Variants in JPH3 observed in about 807,000 individuals in gnomAD.
JPH3 encodes the protein junctophilin 3.
JPH3 carries 11 observed loss-of-function variants against 59.6 expected under a neutral mutation model. That is an observed-to-expected ratio of 0.18 (90% CI 0.12 to 0.31). The LOEUF is 0.31. Ranked by LOEUF, JPH3 falls within the 10% of genes least tolerant of loss-of-function variation. The probability of loss-of-function intolerance (pLI) is 1.00; values close to 1 mark genes in which losing one functional copy is unlikely to be tolerated. For missense variants in JPH3, 1,202 were observed against 1,105.7 expected (o/e 1.09, Z -1.24); for synonymous variants, 673 against 483.6 (o/e 1.39, Z -5.14).
intron 1 of JPH3, among the ~76,000 whole-genome samples, chr16:87,613,253 C>A (rs1377467816): frequency 6.7e-6 from 1 of 150,272 alleles, no homozygotes; most frequent in Non-Finnish European, 1.5e-5. Flanking sequence ...CCCACCACCA[C>A]GTCCGGCTAA....
chr16:87,696,661 T>C lies in JPH3; in HGVS notation c.*1T>C. 6.2e-6 allele frequency: 10 copies of C among 1,611,344 alleles called. No homozygotes were observed. The highest frequency in any genetic ancestry group is 6.8e-6 in the Non-Finnish European group (8 of 1,177,946). Reference sequence around the variant, plus strand: ...TCTGTTTATTAACTTTTTCATCTGATGAGATGTCGCGGTAGCAAAAATAGA... The same window carrying C: ...TCTGTTTATTAACTTTTTCATCTGACGAGATGTCGCGGTAGCAAAAATAGA... On this transcript the variant is annotated 3_prime_UTR_variant, in exon 5 of 5. Transcript: ENST00000284262.
intron 1 of JPH3, among the ~76,000 whole-genome samples, chr16:87,638,808 C>T (rs950016793): frequency 3.3e-5 from 5 of 152,296 alleles, no homozygotes; most frequent in Admixed American, 3.3e-4. Flanking sequence ...CAGGACACAG[C>T]GAAGGTGCCC....
In JPH3 at chr16:87,681,646, G is replaced by A. The variant is rs1333488408; in HGVS notation, c.1161-2496G>A. On this transcript the variant is annotated intron_variant, in intron 2 of 4. Coordinates refer to ENST00000284262, the MANE Select transcript of JPH3 (RefSeq NM_020655.4). ...AGGTGCGCGCGGTCGTGACAGTGCC[G>A]GGAGGTCAGGTGCGCGCGGTGGTGA... is the stretch of plus-strand genomic sequence containing the variant. Among the ~76,000 whole-genome samples the A allele has an allele frequency of 3.3e-5, 5 of 149,796 alleles. No individual in the cohort carries two copies. In the East Asian group the frequency reaches 6.0e-4, roughly 18 times the overall value.
At chr16:87,637,352 C>G (rs527366445) in intron 1 of JPH3, among the ~76,000 whole-genome samples, 3 of 152,086 alleles carry the variant, frequency 2.0e-5, no homozygotes, top group Non-Finnish European at 4.4e-5. Flanking sequence ...CCCCGGCCAT[C>G]ATCCGTCTGT....
intron 1 of JPH3, among the ~76,000 whole-genome samples, chr16:87,607,881 A>G (rs2030583977): frequency 6.6e-6 from 1 of 152,256 alleles, no homozygotes; most frequent in South Asian, 2.1e-4. Flanking sequence ...TTTCTCCGAG[A>G]TTCTCTTTCC....
chr16:87,604,311 GCT>G (rs2030413770), intron 1 of JPH3: 1 of 1,467,552 alleles, frequency 6.8e-7, no homozygotes, highest in African/African-American at 1.4e-5. Context: ...TGCTGCTGCT[GCT>G]GCTGCTGCTG....
chr16:87,657,106 C>G (rs187124159), intron 2 of JPH3, among the ~76,000 whole-genome samples: 2 of 152,274 alleles, frequency 1.3e-5, no homozygotes, highest in East Asian at 3.9e-4. Flanking sequence ...GGGGACTCAG[C>G]CTGGAGCACC....
chr16:87,682,340 T>C (rs1292831958), intron 2 of JPH3, among the ~76,000 whole-genome samples: 1 of 152,186 alleles, frequency 6.6e-6, no homozygotes, highest in Non-Finnish European at 1.5e-5. Flanking sequence ...GTGACAGGTA[T>C]GGCAGAGATG....
At chr16:87,660,042 C>G (rs943213227) in intron 2 of JPH3, among the ~76,000 whole-genome samples, 1 of 152,102 alleles carries the variant, frequency 6.6e-6, no homozygotes, top group Admixed American at 6.5e-5. Flanking sequence ...TCGGGGGTAC[C>G]AAGCCCCAGC....
chr16:87,644,120 AC>A (rs753332739), intron 1 of JPH3, 137 bp from the exon 2 acceptor site: 6 of 910,920 alleles, frequency 6.6e-6, no homozygotes, highest in Non-Finnish European at 9.9e-6. Flanking sequence ...CCTGGGCAAC[AC>A]AGCGAGAACC....
At chr16:87,690,651 GT>G in intron 4 of JPH3, 125 bp downstream of exon 4, 1 of 1,078,070 alleles carries the variant, frequency 9.3e-7, no homozygotes, top group Non-Finnish European at 1.2e-6. Flanking sequence ...GTGGAGTAGG[GT>G]GGGGGTACAG....
rs140115944 is a variant in JPH3 at position 87,644,316 on chromosome 16, C to G, written c.441C>G (p.Ser147Arg). 1 of 1,612,838 alleles carries G rather than the reference C, an allele frequency of 6.2e-7. No homozygotes were observed. Among genetic ancestry groups the G allele is most frequent in the Non-Finnish European group, 8.5e-7 (1 of 1,179,888 alleles). The change falls in exon 2 of 5, where the codon AGC becomes AGG. Residue 147 changes from serine to arginine, a missense_variant. Ser to Arg is a moderately radical substitution (Grantham distance 110). Coordinates refer to ENST00000284262, the MANE Select transcript of JPH3 (RefSeq NM_020655.4). ...GMRQGYGVRQ[S>R]VPYGMAAVIR... is the part of the protein sequence containing the mutation. ...GCCAGGGCTACGGCGTCCGGCAGAG[C>G]GTCCCGTATGGCATGGCCGCGGTCA...
chr16:87,677,060 G>A lies in JPH3; in HGVS notation c.1161-7082G>A, dbSNP rs1050423917. ...TGTAGTCCCAGCTACTCGGGAGGCT[G>A]AGGCAGGAGAATGGCGTGAACCCGG... On this transcript the variant is annotated intron_variant, in intron 2 of 4. Coordinates refer to ENST00000284262, the MANE Select transcript of JPH3 (RefSeq NM_020655.4). 1.4e-4 allele frequency among the ~76,000 whole-genome samples: 22 copies of A among 151,784 alleles called. No individual in the cohort carries two copies. In the South Asian group the frequency reaches 4.4e-3, roughly 30 times the overall value.
intron 4 of JPH3, among the ~76,000 whole-genome samples, chr16:87,692,920 A>G (rs1406619587): frequency 1.3e-5 from 2 of 152,076 alleles, no homozygotes; most frequent in Non-Finnish European, 2.9e-5. Context: ...CTGTCCTGCT[A>G]CCCCACTACA....
intron 2 of JPH3, among the ~76,000 whole-genome samples, chr16:87,646,470 T>C (rs2032154097): frequency 6.6e-6 from 1 of 152,194 alleles, no homozygotes; most frequent in African/African-American, 2.4e-5. Flanking sequence ...TGACTACTCA[T>C]CTGGGGTTTT....
chr16:87,696,640 T>C lies in JPH3; in HGVS notation c.2227T>C (p.Phe743Leu). ...GCTCAACATCGGAGTCGCCATTCTGTTTATTAACTTTTTCATCTGATGAGA... is the reference window on the plus strand; with the variant it reads ...GCTCAACATCGGAGTCGCCATTCTGCTTATTAACTTTTTCATCTGATGAGA... ...ILLNIGVAIL[F>L]INFFI The change falls in exon 5 of 5, where the codon TTT (phenylalanine) becomes CTT (leucine). Residue 743 changes from phenylalanine to leucine, a missense_variant. Transcript: ENST00000284262. 2 of 1,613,332 alleles carry C rather than the reference T, an allele frequency of 1.2e-6. No individual in the cohort carries two copies. Among genetic ancestry groups the C allele is most frequent in the Non-Finnish European group, 1.7e-6 (2 of 1,179,672 alleles).
At position 87,696,707 on chromosome 16, in the gene JPH3, C is replaced by A; in HGVS notation, c.*47C>A. ...ATAGAGAAAGGGTAGAAAAAAGGGACATTAAAATTAAAAGCAAAACCACAA... is the reference window on the plus strand; with the variant it reads ...ATAGAGAAAGGGTAGAAAAAAGGGAAATTAAAATTAAAAGCAAAACCACAA... On this transcript the variant is annotated 3_prime_UTR_variant, in exon 5 of 5. Transcript: ENST00000284262. The A allele has an allele frequency of 6.7e-7, 1 of 1,498,574 alleles. No individual in the cohort carries two copies. Among genetic ancestry groups the A allele is most frequent in the Non-Finnish European group, 9.3e-7 (1 of 1,078,142 alleles). 92.8% of individuals were successfully genotyped at this position (1,498,574 alleles called of 1,614,324 possible). A position where few individuals can be genotyped will look rare whatever the true frequency, so the allele number is the denominator to read the frequency against.
chr16:87,644,043 CAGG>C (rs1288320672), intron 1 of JPH3, among the ~76,000 whole-genome samples: 2 of 152,194 alleles, frequency 1.3e-5, no homozygotes, highest in African/African-American at 4.8e-5. Flanking sequence ...GAGGCTGAGG[CAGG>C]AGGATCGCCT....
Position 87,664,363 on chromosome 16 carries a change from C to T in JPH3, c.1160+19328C>T, listed in dbSNP as rs750078772. On this transcript the variant is annotated intron_variant, in intron 2 of 4. Coordinates refer to ENST00000284262, the MANE Select transcript of JPH3 (RefSeq NM_020655.4). Reference sequence around the variant, plus strand: ...AAAAAAAATCATATGGCCCGTCAGGCGCGGTGGCTCACGCAGTTTGGGAGG... The same window carrying T: ...AAAAAAAATCATATGGCCCGTCAGGTGCGGTGGCTCACGCAGTTTGGGAGG... 2.1e-3 allele frequency among the ~76,000 whole-genome samples: 309 copies of T among 147,314 alleles called. 4 individuals are homozygous for T. The highest frequency in any genetic ancestry group is 6.4e-4 in the Non-Finnish European group (43 of 67,434).
Sources: gnomAD v4.1 joint callset for allele counts (sites outside exome capture counted in the v4.1 genomes callset) on GRCh38, gnomAD v4.1.1 for gene constraint, MANE v1.5 for transcripts, NCBI Gene and HGNC (gene_info 2026-07-23, HGNC 2026-07-21) for gene names.